ASIC2: variants seen among roughly 807,000 people sequenced by gnomAD.
ASIC2 encodes acid-sensing ion channel 2.
In ASIC2, 25 loss-of-function variants were observed where a neutral mutation model predicts 57.3. The observed-to-expected ratio is 0.44, with a 90% CI of 0.32 to 0.61. ASIC2 has a LOEUF of 0.61. ASIC2 is among the 20% of genes least tolerant of loss of function. The pLI is 0.06. For missense variants in ASIC2, 641 were observed against 738.1 expected, an observed-to-expected ratio of 0.87 and a Z score of 1.52; for synonymous variants, 319 against 307.5, an observed-to-expected ratio of 1.04 and a Z score of -0.39.
chr17:33,417,933 C>A (rs953940955), intron 1 of ASIC2, among the ~76,000 whole-genome samples: 8 of 152,090 alleles, frequency 5.3e-5, no homozygotes, highest in African/African-American at 1.4e-4. Flanking sequence ...TGTTCTACCC[C>A]TTCTGTGCTT....
At chr17:33,212,400 G>T (rs188807187) in intron 1 of ASIC2, among the ~76,000 whole-genome samples, 1 of 152,122 alleles carries the variant, frequency 6.6e-6, no homozygotes, top group Non-Finnish European at 1.5e-5. Context: ...GAATGTGGCG[G>T]CCCCTAGAAG....
chr17:33,518,829 T>C (rs903217847), intron 1 of ASIC2, among the ~76,000 whole-genome samples: 1 of 151,926 alleles, frequency 6.6e-6, no homozygotes, highest in South Asian at 2.1e-4. Flanking sequence ...AACTACTCTT[T>C]TTTTTTTTTG....
chr17:33,812,715 G>T (rs1192086073), intron 1 of ASIC2, among the ~76,000 whole-genome samples: 4 of 152,160 alleles, frequency 2.6e-5, no homozygotes, highest in Admixed American at 6.5e-5. Flanking sequence ...GACTGAGAAA[G>T]AGCTCATATG....
intron 1 of ASIC2, among the ~76,000 whole-genome samples, chr17:33,783,039 G>A (rs181728659): frequency 2.2e-4 from 33 of 152,284 alleles, no homozygotes; most frequent in Non-Finnish European, 4.4e-5. Context: ...AGACCCAAGA[G>A]CAAATGTCCC....
intron 2 of ASIC2, among the ~76,000 whole-genome samples, chr17:33,109,135 G>T (rs1382941823): frequency 6.6e-6 from 1 of 152,102 alleles, no homozygotes; most frequent in Non-Finnish European, 1.5e-5. Context: ...CTACACATTG[G>T]GTACAGTGTA....
intron 1 of ASIC2, among the ~76,000 whole-genome samples, chr17:33,867,347 A>C (rs1196241396): frequency 1.3e-5 from 2 of 152,156 alleles, no homozygotes; most frequent in African/African-American, 2.4e-5. Context: ...GTAATGATTT[A>C]TTTATCTCTA....
chr17:33,037,356 C>T (rs1346592634), intron 3 of ASIC2, among the ~76,000 whole-genome samples: 2 of 150,168 alleles, frequency 1.3e-5, no homozygotes, highest in Non-Finnish European at 2.9e-5. Flanking sequence ...TGGAGATGGG[C>T]CAAGGTTTGT....
At chr17:33,372,492 G>A (rs1254100186) in intron 1 of ASIC2, among the ~76,000 whole-genome samples, 1 of 152,108 alleles carries the variant, frequency 6.6e-6, no homozygotes, top group African/African-American at 2.4e-5. Context: ...ATGGGTGAGG[G>A]GCTGGTGGCC....
intron 1 of ASIC2, among the ~76,000 whole-genome samples, chr17:33,235,635 T>C (rs1908267767): frequency 1.3e-5 from 2 of 152,170 alleles, no homozygotes; most frequent in Non-Finnish European, 1.5e-5. Flanking sequence ...GAGCCCTCTG[T>C]GCTGCCCTGT....
At chr17:33,199,830 G>A (rs530483486) in intron 1 of ASIC2, among the ~76,000 whole-genome samples, 159 of 152,112 alleles carry the variant, frequency 1.0e-3, no homozygotes, top group Admixed American at 1.7e-3. Flanking sequence ...TTAATATAGC[G>A]AACTTGATCA....
chr17:33,848,157 A>G (rs1015989691), intron 1 of ASIC2, among the ~76,000 whole-genome samples: 2 of 152,112 alleles, frequency 1.3e-5, no homozygotes, highest in Non-Finnish European at 2.9e-5. Flanking sequence ...AGGCAACCAG[A>G]AGGGCAGCCC....
At chr17:33,424,014 C>A (rs566847306) in intron 1 of ASIC2, among the ~76,000 whole-genome samples, 9 of 152,336 alleles carry the variant, frequency 5.9e-5, no homozygotes, top group Admixed American at 5.9e-4. Context: ...CAATTCTATT[C>A]AGTTTGATGC....
At chr17:34,000,457 T>C (rs1906303980) in intron 1 of ASIC2, among the ~76,000 whole-genome samples, 1 of 152,148 alleles carries the variant, frequency 6.6e-6, no homozygotes, top group Admixed American at 6.5e-5. Flanking sequence ...TTCTCCATGT[T>C]GGTCAGGCTG....
At chr17:33,543,377 T>G (rs1368974068) in intron 1 of ASIC2, among the ~76,000 whole-genome samples, 1 of 152,176 alleles carries the variant, frequency 6.6e-6, no homozygotes, top group Admixed American at 6.5e-5. Context: ...GGGGCCTCTA[T>G]GCAAAATAAC....
chr17:33,637,215 T>C (rs1300644100), intron 1 of ASIC2, among the ~76,000 whole-genome samples: 2 of 152,134 alleles, frequency 1.3e-5, no homozygotes, highest in Non-Finnish European at 2.9e-5. Flanking sequence ...AGCAGGTTTT[T>C]CCTTGATTGT....
intron 1 of ASIC2, among the ~76,000 whole-genome samples, chr17:33,146,785 G>C (rs901061582): frequency 1.3e-5 from 2 of 152,242 alleles, no homozygotes; most frequent in African/African-American, 4.8e-5. Flanking sequence ...CAGAAGGAGA[G>C]AAGGAGGAGG....
chr17:33,543,302 C>CAAAACAAAAACA (rs1567645088), intron 1 of ASIC2, among the ~76,000 whole-genome samples: 3 of 127,410 alleles, frequency 2.4e-5, no homozygotes, highest in Admixed American at 8.0e-5. Context: ...AAAACAAAAA[C>CAAAACAAAAACA]AAAAAAAACA....
chr17:34,066,277 T>C (rs1909169121), intron 1 of ASIC2, among the ~76,000 whole-genome samples: 1 of 152,218 alleles, frequency 6.6e-6, no homozygotes, highest in African/African-American at 2.4e-5. Context: ...CACTGGTTAA[T>C]TAAGTCGTTC....
intron 1 of ASIC2, among the ~76,000 whole-genome samples, chr17:33,223,160 CT>C (rs1358945551): frequency 9.9e-5 from 15 of 151,636 alleles, no homozygotes; most frequent in African/African-American, 2.4e-4. Flanking sequence ...TCCCCCTTTT[CT>C]TTTTTTTTCT....
Sources: allele counts gnomAD v4.1 joint callset (sites outside exome capture counted in the v4.1 genomes callset), GRCh38; gene constraint gnomAD v4.1.1; transcripts MANE v1.5; gene names NCBI Gene and HGNC (gene_info 2026-07-23, HGNC 2026-07-21).